The following MYLK variants were observed in gnomAD, a reference collection of about 807,000 sequenced individuals.
MYLK encodes the protein myosin light chain kinase, smooth muscle.
Under a neutral mutation model 203.4 loss-of-function variants are expected in MYLK, and 106 were observed. That is an observed-to-expected ratio of 0.52 (90% confidence interval 0.45 to 0.61). The LOEUF is 0.61. Among genes scored for constraint, MYLK ranks in the 20% least tolerant of loss-of-function variants. MYLK has a pLI of 0.00. For missense variants in MYLK, 2,072 were observed against 2,442.3 expected, an observed-to-expected ratio of 0.85 and a Z score of 3.20; for synonymous variants, 867 against 959.5, an observed-to-expected ratio of 0.90 and a Z score of 1.78.
intron 5 of MYLK, among the ~76,000 whole-genome samples, chr3:123,746,413 G>A (rs2063018988): frequency 6.6e-6 from 1 of 152,054 alleles, no homozygotes; most frequent in Non-Finnish European, 1.5e-5. Flanking sequence ...GGGAGAAGGA[G>A]GTGGAGGAAT....
At position 123,842,878 on chromosome 3, in the gene MYLK, C is replaced by G. The variant is rs374733006; in HGVS notation, c.-126-11208G>C. ...TACATTTCTAGCGTCACTTCTATCACTAGACTGCAAGTGCCCTAAGGCAAG... is the reference window on the plus strand; with the variant it reads ...TACATTTCTAGCGTCACTTCTATCAGTAGACTGCAAGTGCCCTAAGGCAAG... On this transcript the variant is annotated intron_variant, in intron 2 of 33. Coordinates refer to ENST00000360304, the MANE Select transcript of MYLK (RefSeq NM_053025.4). 6.0e-4 allele frequency among the ~76,000 whole-genome samples: 92 copies of G among 152,384 alleles called. 2 individuals are homozygous for G. In the South Asian group the frequency reaches 0.011, roughly 18 times the overall value.
At position 123,700,985 on chromosome 3, in the gene MYLK, C is replaced by G; in HGVS notation, c.2483G>C (p.Cys828Ser). The G allele has an allele frequency of 6.2e-7, 1 of 1,606,458 alleles. No homozygotes were observed. Among genetic ancestry groups the G allele is most frequent in the South Asian group, 1.1e-5 (1 of 91,062 alleles). The stretch of plus-strand genomic sequence containing the variant: ...AACTCCTCCACCACAGAGGTCCTCG[C>G]AGCTGGCAGGCTCCCTCCCCCTGCA... ...ALPRGREPAS[C>S]EDLCGGGVGA... is the part of the protein sequence containing the mutation. The change falls in exon 18 of 34, where the codon TGC (cysteine) becomes TCC (serine). Residue 828 changes from cysteine to serine, a missense_variant. This residue lies in a region of MYLK where 865 missense variants were observed against 1,016.0 expected (regional missense o/e 0.85). Transcript: ENST00000360304.
chr3:123,844,587 A>T (rs538628453), intron 2 of MYLK, among the ~76,000 whole-genome samples: 7 of 152,052 alleles, frequency 4.6e-5, no homozygotes, highest in Admixed American at 1.3e-4. Flanking sequence ...TCATCTTAAG[A>T]CAGGAGCAAT....
At chr3:123,693,083 C>T (rs1040563919) in intron 18 of MYLK, among the ~76,000 whole-genome samples, 1 of 152,200 alleles carries the variant, frequency 6.6e-6, no homozygotes, top group African/African-American at 2.4e-5. Flanking sequence ...CCTCCTCCCC[C>T]ACTCCAAAGA....
chr3:123,628,224 G>T (rs1462185485), intron 30 of MYLK, among the ~76,000 whole-genome samples: 2 of 152,158 alleles, frequency 1.3e-5, no homozygotes, highest in African/African-American at 4.8e-5. Context: ...TGGCTAAAAA[G>T]GACTGAGAGT....
chr3:123,776,188 G>C (rs2064071177), intron 4 of MYLK, among the ~76,000 whole-genome samples: 1 of 152,178 alleles, frequency 6.6e-6, no homozygotes, highest in Non-Finnish European at 1.5e-5. Flanking sequence ...AAGGATTCTT[G>C]GTTTGGAGGG....
chr3:123,775,447 CTT>C (rs1693266716), intron 4 of MYLK, among the ~76,000 whole-genome samples: 4 of 152,190 alleles, frequency 2.6e-5, no homozygotes, highest in Admixed American at 2.6e-4. Context: ...AGAACTGAGT[CTT>C]AGCATTTCAT....
rs1199973403 is a variant in MYLK at position 123,737,462 on chromosome 3, T to C, written c.670A>G (p.Asn224Asp). ...GMQVLEIHGVNQDDVGVYTCL... is the reference protein window; with the variant it reads ...GMQVLEIHGVDQDDVGVYTCL... The stretch of plus-strand genomic sequence containing the variant: ...GTGTACACTCCCACGTCATCTTGGT[T>C]GACTCCATGGATTTCCAGAACCTGC... The change falls in exon 8 of 34, where the codon AAC becomes GAC. Residue 224 changes from asparagine (N) to aspartate (D), a missense_variant. Physicochemically the swap from Asn to Asp is conservative, Grantham distance 23 (BLOSUM62 1). Around this residue, in one of 3 missense-constraint regions of MYLK, gnomAD observed 683 missense variants for 643.8 expected, o/e 1.06. Transcript: ENST00000360304. 2 of 1,614,224 alleles carry C rather than the reference T, an allele frequency of 1.2e-6. No homozygotes were observed.
At chr3:123,677,596 G>A (rs965126888) in intron 20 of MYLK, among the ~76,000 whole-genome samples, 10 of 152,088 alleles carry the variant, frequency 6.6e-5, no homozygotes, top group Admixed American at 6.5e-5. Context: ...CTCTGGGCTG[G>A]AGGAGTGCAC....
chr3:123,749,083 A>ATACATACATACG (rs1369867120), intron 5 of MYLK, among the ~76,000 whole-genome samples: 1 of 141,680 alleles, frequency 7.1e-6, no homozygotes, highest in Non-Finnish European at 1.5e-5. Context: ...AAATACATAC[A>ATACATACATACG]TACATACATA....
At chr3:123,706,215 A>G (rs949218252) in intron 16 of MYLK, among the ~76,000 whole-genome samples, 1 of 152,226 alleles carries the variant, frequency 6.6e-6, no homozygotes, top group Non-Finnish European at 1.5e-5. Flanking sequence ...AAACTGCTTT[A>G]AAAATAAACG....
chr3:123,769,223 C>T (rs1245648673), intron 4 of MYLK, among the ~76,000 whole-genome samples: 2 of 152,102 alleles, frequency 1.3e-5, no homozygotes, highest in East Asian at 1.9e-4. Flanking sequence ...GAGCAGCCTC[C>T]AGGTGCAAGA....
At chr3:123,641,775 C>A (rs1229511742) in intron 27 of MYLK, among the ~76,000 whole-genome samples, 2 of 143,106 alleles carry the variant, frequency 1.4e-5, no homozygotes, top group Admixed American at 1.4e-4. Flanking sequence ...CCCTCCCTCT[C>A]TTCCCTCCCT....
At position 123,814,838 on chromosome 3, in the gene MYLK, G is replaced by A. The variant is rs191424666; in HGVS notation, c.-4+16710C>T. On this transcript the variant is annotated intron_variant, in intron 3 of 33. Coordinates refer to ENST00000360304, the MANE Select transcript of MYLK (RefSeq NM_053025.4). The stretch of plus-strand genomic sequence containing the variant: ...GATGGAGTCTCATTCTGTTACCCAG[G>A]CTGGAGTACAGCGGCATGATCTCGG... Among the ~76,000 whole-genome samples the A allele has an allele frequency of 4.6e-5, 7 of 152,098 alleles. 1 individual carries two copies. Among genetic ancestry groups the A allele is most frequent in the Admixed American group, 3.9e-4 (6 of 15,260 alleles).
At chr3:123,863,794 T>C (rs1363697841) in intron 2 of MYLK, among the ~76,000 whole-genome samples, 1 of 152,100 alleles carries the variant, frequency 6.6e-6, no homozygotes, top group Admixed American at 6.6e-5. Context: ...CTTTGGCAGT[T>C]TCTTACAAAA....
intron 4 of MYLK, among the ~76,000 whole-genome samples, chr3:123,758,185 C>G (rs1014929508): frequency 6.6e-6 from 1 of 152,168 alleles, no homozygotes; most frequent in East Asian, 1.9e-4. Context: ...CATGACCAAG[C>G]TTCAGAGCCT....
chr3:123,790,903 G>C (rs2064754489), intron 4 of MYLK, among the ~76,000 whole-genome samples: 1 of 152,186 alleles, frequency 6.6e-6, no homozygotes, highest in Non-Finnish European at 1.5e-5. Flanking sequence ...AGGTGCTGTG[G>C]GCAGAGGCCA....
At chr3:123,646,889 A>C in intron 27 of MYLK, 1 of 331,034 alleles carries the variant, frequency 3.0e-6, no homozygotes, top group South Asian at 3.6e-5. Flanking sequence ...GAATGCCCCA[A>C]ATGAAACCAA....
chr3:123,768,179 G>C (rs141072616), intron 4 of MYLK, among the ~76,000 whole-genome samples: 86 of 152,348 alleles, frequency 5.6e-4, no homozygotes, highest in Middle Eastern at 3.4e-3. Flanking sequence ...GCTGCAGGAC[G>C]CAAGCATGAG....
Sources: allele counts gnomAD v4.1 joint callset (sites outside exome capture counted in the v4.1 genomes callset), GRCh38; gene constraint gnomAD v4.1.1; regional missense constraint gnomAD v4.1.1; transcripts MANE v1.5; gene names NCBI Gene and HGNC (gene_info 2026-07-23, HGNC 2026-07-21).